The following SEMA3A variants were observed in gnomAD, a reference collection of about 807,000 sequenced individuals.
SEMA3A encodes the protein semaphorin 3A.
In SEMA3A, 29 loss-of-function variants were observed where a neutral mutation model predicts 97.9. That is an observed-to-expected ratio of 0.30 (90% CI 0.22 to 0.40). SEMA3A has a LOEUF of 0.40. SEMA3A is among the 10% of genes least tolerant of loss of function. The pLI is 1.00. For synonymous variants in SEMA3A, 321 were observed against 323.7 expected, an observed-to-expected ratio of 0.99 and a Z score of 0.09; for missense variants, 763 against 951.3, an observed-to-expected ratio of 0.80 and a Z score of 2.60.
intron 4 of SEMA3A, among the ~76,000 whole-genome samples, chr7:84,073,900 T>A (rs1280715756): frequency 9.9e-5 from 14 of 141,036 alleles, no homozygotes; most frequent in African/African-American, 3.5e-4. Context: ...ATGAAGCAAA[T>A]CATACATATG....
chr7:84,398,357 ATAT>A lies in SEMA3A; in HGVS notation c.-245-26460_-245-26458del, dbSNP rs568050851. ...TTTTTCTTAGTTTTTGTCCTGATTA[ATAT>A]TATTGTAGCACGTGACATTCATGAC... On this transcript the variant is annotated intron_variant, in intron 1 of 3. Transcript: ENST00000424555. Among the ~76,000 whole-genome samples, 8 of 152,222 alleles carry A rather than the reference ATAT, an allele frequency of 5.3e-5. 1 individual carries two copies. The South Asian group carries it at 1.7e-3, about 32-fold the overall frequency.
chr7:84,304,212 A>G (rs1056845404), intron 3 of SEMA3A, among the ~76,000 whole-genome samples: 1 of 152,184 alleles, frequency 6.6e-6, no homozygotes, highest in African/African-American at 2.4e-5. Context: ...TTTACAAAAT[A>G]GATTCATAAC....
At chr7:84,085,589 A>G (rs1395635767) in intron 4 of SEMA3A, among the ~76,000 whole-genome samples, 1 of 152,092 alleles carries the variant, frequency 6.6e-6, no homozygotes, top group Non-Finnish European at 1.5e-5. Flanking sequence ...TTTTTTTGCA[A>G]ATAAAAATGT....
At chr7:84,040,223 C>CTTT (rs59145273) in intron 6 of SEMA3A, among the ~76,000 whole-genome samples, 13 of 138,168 alleles carry the variant, frequency 9.4e-5, no homozygotes, top group African/African-American at 2.4e-4. Flanking sequence ...TAACAAGTGG[C>CTTT]TTTTTTTTTT....
intron 1 of SEMA3A, among the ~76,000 whole-genome samples, chr7:84,411,163 G>C (rs969572310): frequency 3.3e-5 from 5 of 152,026 alleles, no homozygotes; most frequent in Non-Finnish European, 5.9e-5. Context: ...TAGAGAGATA[G>C]CATTCTTCTC....
intron 3 of SEMA3A, among the ~76,000 whole-genome samples, chr7:84,239,985 A>AAT (rs1433936115): frequency 6.6e-6 from 1 of 152,160 alleles, no homozygotes; most frequent in African/African-American, 2.4e-5. Flanking sequence ...AATTAAAAGC[A>AAT]ATATATATAA....
At chr7:84,354,008 CAT>C in intron 2 of SEMA3A, among the ~76,000 whole-genome samples, 1 of 151,302 alleles carries the variant, frequency 6.6e-6, no homozygotes, top group Non-Finnish European at 1.5e-5. Context: ...ACTCTGAAGT[CAT>C]ATACTGTAAG....
In SEMA3A at chr7:83,971,162, C is replaced by G. The variant is rs117264520; in HGVS notation, c.1717+5970G>C. Among the ~76,000 whole-genome samples the G allele has an allele frequency of 2.0e-4, 30 of 152,282 alleles. No homozygotes were observed. The East Asian group carries it at 5.2e-3, about 26-fold the overall frequency. ...GCTAACAGGCAGGCGTGGTGTTTCA[C>G]ACCTGTAACTCCAGCACTTTGGGAG... On this transcript the variant is annotated intron_variant, in intron 15 of 16. Transcript: ENST00000265362.
At position 83,962,602 on chromosome 7, in the gene SEMA3A, T is replaced by C. The variant is rs557260357; in HGVS notation, c.1860+603A>G. ...TCTGTTTATGCTTATTTAAGGCTGT[T>C]AAAAAGTTTTAAAGGCTCGTAGTGC... On this transcript the variant is annotated intron_variant, in intron 16 of 16. Coordinates refer to ENST00000265362, the MANE Select transcript of SEMA3A (RefSeq NM_006080.3). Among the ~76,000 whole-genome samples, 6 of 152,302 alleles carry C rather than the reference T, an allele frequency of 3.9e-5. No homozygotes were observed. In the East Asian group the frequency reaches 1.2e-3, roughly 29 times the overall value.
At chr7:84,363,485 C>A (rs993431202) in intron 2 of SEMA3A, among the ~76,000 whole-genome samples, 3 of 151,884 alleles carry the variant, frequency 2.0e-5, no homozygotes, top group African/African-American at 7.2e-5. Context: ...GTTTTAACAG[C>A]TTTCTTTAGA....
chr7:84,412,733 G>T (rs796327486), intron 1 of SEMA3A, among the ~76,000 whole-genome samples: 2 of 152,106 alleles, frequency 1.3e-5, no homozygotes, highest in Non-Finnish European at 2.9e-5. Flanking sequence ...GATTGTTAAA[G>T]CTTCTAAACT....
chr7:84,096,838 A>T (rs1404018315), intron 4 of SEMA3A, among the ~76,000 whole-genome samples: 1 of 150,032 alleles, frequency 6.7e-6, no homozygotes, highest in Non-Finnish European at 1.5e-5. Flanking sequence ...TACCAGTCAC[A>T]TACATTTTTC....
At chr7:83,988,371 C>A (rs543594393) in intron 12 of SEMA3A, among the ~76,000 whole-genome samples, 1 of 152,050 alleles carries the variant, frequency 6.6e-6, no homozygotes, top group South Asian at 2.1e-4. Flanking sequence ...GGACTACAGG[C>A]GCCCACCACC....
intron 9 of SEMA3A, among the ~76,000 whole-genome samples, chr7:84,009,233 T>C (rs1391805062): frequency 6.6e-6 from 1 of 152,198 alleles, no homozygotes; most frequent in African/African-American, 2.4e-5. Context: ...ACACTCAAAT[T>C]TGAGTCACTG....
intron 3 of SEMA3A, among the ~76,000 whole-genome samples, chr7:84,275,595 G>A (rs1800273794): frequency 6.6e-6 from 1 of 151,796 alleles, no homozygotes; most frequent in Non-Finnish European, 1.5e-5. Flanking sequence ...GATCTAGGGT[G>A]CAGCCAGGAT....
chr7:84,105,437 T>C lies in SEMA3A; in HGVS notation c.453+5033A>G, dbSNP rs529417832. Among the ~76,000 whole-genome samples, 3 of 152,232 alleles carry C rather than the reference T, an allele frequency of 2.0e-5. No homozygotes were observed. The South Asian group carries it at 6.2e-4, about 32-fold the overall frequency. On this transcript the variant is annotated intron_variant, in intron 4 of 16. Transcript: ENST00000265362. ...CAGACAAAACATTTTATTTCATATA[T>C]AGATATATTGGTTGTCATTGTGGAA...
rs116202224 is a variant in SEMA3A at position 84,234,815 on chromosome 7, C to T, written c.-82-40147G>A. ...TTACTCATTCTGACCTTCTGCCTGC[C>T]GTGTGTGTGCCATTTCAATTTTCAA... On this transcript the variant is annotated intron_variant, in intron 3 of 3. Coordinates refer to the SEMA3A transcript ENST00000424555. Among the ~76,000 whole-genome samples the T allele has an allele frequency of 3.8e-3, 580 of 151,990 alleles. 3 individuals carry two copies. The highest frequency in any genetic ancestry group is 0.013 in the African/African-American group (537 of 41,490).
rs566768919 is a variant in SEMA3A, at chr7:84,475,406, T to A, written c.-246+17054A>T. The stretch of plus-strand genomic sequence containing the variant: ...GGTTGCTGTTTTAAGGTTAAAAAAT[T>A]CATAGGAAACAGATAGAATTTCCTT... On this transcript the variant is annotated intron_variant, in intron 1 of 3. Coordinates refer to the SEMA3A transcript ENST00000424555. Among the ~76,000 whole-genome samples the A allele has an allele frequency of 1.5e-4, 23 of 152,204 alleles. No individual in the cohort carries two copies. The South Asian group carries it at 4.6e-3, about 30-fold the overall frequency.
chr7:83,985,572 A>G lies in SEMA3A; in HGVS notation c.1453-95T>C, dbSNP rs530701353. ...AAGGCACTGCCATTAGTTTTCAGAG[A>G]GAAACTTCAGTGTCCACAAGAAGCA... On this transcript the variant is annotated intron_variant, in intron 12 of 16. Transcript: ENST00000265362. 170 of 951,434 alleles carry G rather than the reference A, an allele frequency of 1.8e-4. No individual in the cohort carries two copies. The Middle Eastern group carries it at 2.8e-3, about 16-fold the overall frequency. The allele number at this position is 951,434 out of a possible 1,614,324, so 58.9% of individuals were successfully genotyped here. A position where few individuals can be genotyped will look rare whatever the true frequency, so the allele number is the denominator to read the frequency against.
Sources: allele counts gnomAD v4.1 joint callset (sites outside exome capture counted in the v4.1 genomes callset), GRCh38; gene constraint gnomAD v4.1.1; transcripts MANE v1.5; gene names NCBI Gene and HGNC (gene_info 2026-07-23, HGNC 2026-07-21).